The following KCNIP4 variants were observed in gnomAD, a reference collection of about 807,000 sequenced individuals.
KCNIP4 encodes Kv channel-interacting protein 4.
A neutral mutation model predicts 34.0 loss-of-function variants in KCNIP4; 12 were observed. That is an observed-to-expected ratio of 0.35 (90% CI 0.23 to 0.57). The LOEUF (loss-of-function observed/expected upper bound fraction) is 0.57. Ranked by LOEUF, KCNIP4 falls within the 20% of genes least tolerant of loss-of-function variation. KCNIP4 has a pLI of 0.83. For missense variants in KCNIP4, 238 were observed against 311.7 expected (o/e 0.76, Z 1.78); for synonymous variants, 124 against 102.2 (o/e 1.21, Z -1.29).
chr4:21,571,667 A>G lies in KCNIP4; in HGVS notation c.61+376904T>C, dbSNP rs140002762. Among the ~76,000 whole-genome samples, 98 of 152,284 alleles carry G rather than the reference A, an allele frequency of 6.4e-4. 2 individuals carry two copies. The East Asian group carries it at 0.015, about 23-fold the overall frequency. On this transcript the variant is annotated intron_variant, in intron 1 of 8. Coordinates refer to ENST00000382152, the MANE Select transcript of KCNIP4 (RefSeq NM_025221.6). ...GAGCAGGCAAGTTAAATGAAAACTC[A>G]TCTGGCTTGCAGAAGAGACACTTAT...
At chr4:21,193,570 A>ATTTT (rs1247945573) in intron 1 of KCNIP4, among the ~76,000 whole-genome samples, 4 of 104,644 alleles carry the variant, frequency 3.8e-5, no homozygotes, top group African/African-American at 2.2e-4. Context: ...TGCAATTTTA[A>ATTTT]ATTTTTTTTT....
chr4:21,259,403 G>A (rs2109099888), intron 1 of KCNIP4, among the ~76,000 whole-genome samples: 1 of 152,180 alleles, frequency 6.6e-6, no homozygotes, highest in African/African-American at 2.4e-5. Flanking sequence ...TTTTGTTTAT[G>A]CCTTCAATTA....
At chr4:21,531,056 A>G (rs1736628419) in intron 1 of KCNIP4, among the ~76,000 whole-genome samples, 3 of 152,202 alleles carry the variant, frequency 2.0e-5, no homozygotes, top group Non-Finnish European at 4.4e-5. Context: ...TGAGGGCTCA[A>G]GTCAAAACAT....
chr4:21,919,700 G>C (rs1197832805), intron 1 of KCNIP4, among the ~76,000 whole-genome samples: 1 of 152,130 alleles, frequency 6.6e-6, no homozygotes, highest in African/African-American at 2.4e-5. Context: ...GGTAGCCAAA[G>C]GAGACCTAAG....
chr4:20,885,269 TATTCTCGAGGTC>T (rs1168338780), intron 1 of KCNIP4, among the ~76,000 whole-genome samples: 1 of 152,206 alleles, frequency 6.6e-6, no homozygotes, highest in Non-Finnish European at 1.5e-5. Flanking sequence ...TACCAGCCGT[TATTCTCGAGGTC>T]ATGAGATTCA....
intron 1 of KCNIP4, among the ~76,000 whole-genome samples, chr4:21,314,310 A>C (rs1713496952): frequency 1.3e-5 from 2 of 152,216 alleles, no homozygotes; most frequent in Non-Finnish European, 2.9e-5. Context: ...ACTGATTAGG[A>C]ACCTTAGTTA....
chr4:21,685,840 T>C (rs968227719), intron 1 of KCNIP4, among the ~76,000 whole-genome samples: 1 of 152,178 alleles, frequency 6.6e-6, no homozygotes, highest in African/African-American at 2.4e-5. Context: ...AGTTCAGGGA[T>C]TGTGCTTTTA....
chr4:21,661,923 G>A (rs1055500690), intron 1 of KCNIP4, among the ~76,000 whole-genome samples: 3 of 152,086 alleles, frequency 2.0e-5, no homozygotes, highest in Admixed American at 6.5e-5. Context: ...AGCTTAGATC[G>A]GAACTATATA....
intron 1 of KCNIP4, among the ~76,000 whole-genome samples, chr4:21,089,542 T>A (rs1467899655): frequency 1.3e-5 from 2 of 152,198 alleles, no homozygotes; most frequent in African/African-American, 4.8e-5. Context: ...ATTTTAAGTA[T>A]AACTAAGAAA....
chr4:21,505,001 A>G (rs1733710521), intron 1 of KCNIP4, among the ~76,000 whole-genome samples: 1 of 152,170 alleles, frequency 6.6e-6, no homozygotes, highest in Non-Finnish European at 1.5e-5. Context: ...GGCATCTAAA[A>G]TTTTTACTTT....
At chr4:21,759,649 T>G (rs116493696) in intron 1 of KCNIP4, among the ~76,000 whole-genome samples, 1,825 of 152,238 alleles carry the variant, frequency 0.012, 35 homozygotes, top group African/African-American at 0.042. Flanking sequence ...AGAGGAGACC[T>G]ATTAACCTGG....
Position 20,921,688 on chromosome 4 carries a change from C to A in KCNIP4, c.62-38979G>T, listed in dbSNP as rs148000710. ...TTTAAATTATGGAAAACTGTGATTG[C>A]AAATAAATTCAATGCTAATGAATAA... On this transcript the variant is annotated intron_variant, in intron 1 of 8. Coordinates refer to ENST00000382152, the MANE Select transcript of KCNIP4 (RefSeq NM_025221.6). Among the ~76,000 whole-genome samples the A allele has an allele frequency of 2.0e-3, 304 of 152,236 alleles. 1 individual carries two copies. The highest frequency in any genetic ancestry group is 7.0e-3 in the African/African-American group (291 of 41,542).
At chr4:21,110,896 C>T (rs112129247) in intron 1 of KCNIP4, among the ~76,000 whole-genome samples, 1 of 152,094 alleles carries the variant, frequency 6.6e-6, no homozygotes, top group Non-Finnish European at 1.5e-5. Context: ...TGTTTATAAG[C>T]CACTCAGTCT....
rs550327718 is a variant in KCNIP4 at position 21,082,640 on chromosome 4, A to G, written c.62-199931T>C. Among the ~76,000 whole-genome samples the G allele has an allele frequency of 1.1e-4, 16 of 149,542 alleles. No individual in the cohort carries two copies. In the East Asian group the frequency reaches 2.3e-3, roughly 22 times the overall value. On this transcript the variant is annotated intron_variant, in intron 1 of 8. Coordinates refer to ENST00000382152, the MANE Select transcript of KCNIP4 (RefSeq NM_025221.6). ...GAAGAAGTAATAAAGTCTTACAGGGAAAAAAAAAACTTGTTACCTAAGGGC... is the reference window on the plus strand; with the variant it reads ...GAAGAAGTAATAAAGTCTTACAGGGGAAAAAAAAACTTGTTACCTAAGGGC...
chr4:21,607,194 T>A (rs1211738944), intron 1 of KCNIP4, among the ~76,000 whole-genome samples: 1 of 150,736 alleles, frequency 6.6e-6, no homozygotes, highest in Non-Finnish European at 1.5e-5. Context: ...ATACTAACTA[T>A]GCAACTCTGG....
At chr4:20,818,831 T>C (rs775098970) in intron 3 of KCNIP4, among the ~76,000 whole-genome samples, 1 of 151,992 alleles carries the variant, frequency 6.6e-6, no homozygotes, top group Non-Finnish European at 1.5e-5. Context: ...TAATATTAAG[T>C]ATTCCAGAAT....
At chr4:21,511,460 T>C (rs923935929) in intron 1 of KCNIP4, among the ~76,000 whole-genome samples, 1 of 152,086 alleles carries the variant, frequency 6.6e-6, no homozygotes, top group African/African-American at 2.4e-5. Context: ...ATTATGTAGA[T>C]GACAAAAGAC....
chr4:21,553,824 G>T (rs549821254), intron 1 of KCNIP4, among the ~76,000 whole-genome samples: 2 of 151,970 alleles, frequency 1.3e-5, no homozygotes, highest in Admixed American at 6.6e-5. Context: ...CTTCTTTAAT[G>T]GAGACACTGG....
At chr4:21,746,018 C>T (rs921816187) in intron 1 of KCNIP4, among the ~76,000 whole-genome samples, 2 of 152,064 alleles carry the variant, frequency 1.3e-5, no homozygotes, top group Non-Finnish European at 2.9e-5. Flanking sequence ...AAGATATTAG[C>T]GGGTTTGGTT....
Sources: allele counts gnomAD v4.1 joint callset (sites outside exome capture counted in the v4.1 genomes callset), GRCh38; gene constraint gnomAD v4.1.1; transcripts MANE v1.5; gene names NCBI Gene and HGNC (gene_info 2026-07-23, HGNC 2026-07-21).